The following RTN4IP1 variants were observed in gnomAD, a reference collection of about 807,000 sequenced individuals.
RTN4IP1 encodes the protein NAD(P)H oxidoreductase RTN4IP1, mitochondrial.
In RTN4IP1, 32 loss-of-function variants were observed where a neutral mutation model predicts 46.6. The ratio of observed to expected loss-of-function variants is 0.69; its 90% CI spans 0.52 to 0.92. RTN4IP1 has a LOEUF of 0.92. Ranked by LOEUF, RTN4IP1 falls within the 40% of genes least tolerant of loss-of-function variation. The pLI, the probability that RTN4IP1 is intolerant of heterozygous loss-of-function variation, is 0.00. For synonymous variants in RTN4IP1, 167 were observed against 161.8 expected, an observed-to-expected ratio of 1.03 and a Z score of -0.24; for missense variants, 424 against 485.8, an observed-to-expected ratio of 0.87 and a Z score of 1.20.
Position 106,603,247 on chromosome 6 carries a change from C to A in RTN4IP1, c.621-325G>T, listed in dbSNP as rs146089354. Among the ~76,000 whole-genome samples, 1,022 of 152,308 alleles carry A rather than the reference C, an allele frequency of 6.7e-3. 4 individuals are homozygous for A. Among genetic ancestry groups the A allele is most frequent in the Non-Finnish European group, 0.012 (792 of 68,028 alleles). ...TTTTTCTAGGCTAAAATTGTTAGAG[C>A]TTCCTCTATGAGAGGGAGATTTGGG... On this transcript the variant is annotated intron_variant, in intron 4 of 8. Transcript: ENST00000369063.
chr6:106,583,537 C>A (rs1775418315), intron 7 of RTN4IP1, 117 bp from the exon 8 acceptor site: 1 of 770,638 alleles, frequency 1.3e-6, no homozygotes, highest in Non-Finnish European at 2.2e-6. Context: ...TCATTTCATG[C>A]TGACAAAATG....
chr6:106,591,002 T>C (rs1181600007), intron 6 of RTN4IP1, among the ~76,000 whole-genome samples: 2 of 152,188 alleles, frequency 1.3e-5, no homozygotes, highest in Non-Finnish European at 2.9e-5. Flanking sequence ...AAGCACCTAC[T>C]ACATGCTACT....
intron 1 of RTN4IP1, among the ~76,000 whole-genome samples, chr6:106,624,297 G>A (rs536430923): frequency 3.3e-5 from 5 of 152,006 alleles, no homozygotes; most frequent in East Asian, 3.9e-4. Context: ...CTCGTGATCC[G>A]CCCGCCTCGG....
intron 8 of RTN4IP1, among the ~76,000 whole-genome samples, chr6:106,581,399 A>C (rs1467727564): frequency 6.6e-6 from 1 of 152,222 alleles, no homozygotes; most frequent in Non-Finnish European, 1.5e-5. Context: ...ATCTCTACCA[A>C]CCACACAACA....
chr6:106,619,864 G>T (rs1776444093), intron 3 of RTN4IP1, among the ~76,000 whole-genome samples: 1 of 151,914 alleles, frequency 6.6e-6, no homozygotes, highest in South Asian at 2.1e-4. Flanking sequence ...GCCCGCCTCG[G>T]CCTCCCAAAG....
At chr6:106,597,571 T>A (rs1775827909) in intron 5 of RTN4IP1, among the ~76,000 whole-genome samples, 1 of 151,814 alleles carries the variant, frequency 6.6e-6, no homozygotes, top group Admixed American at 6.6e-5. Context: ...CCTGAATCGC[T>A]GAGCTCAAGC....
intron 5 of RTN4IP1, among the ~76,000 whole-genome samples, chr6:106,595,464 T>C (rs1582362597): frequency 6.6e-6 from 1 of 151,934 alleles, no homozygotes; most frequent in Non-Finnish European, 1.5e-5. Flanking sequence ...CTTCTAATTC[T>C]ACTTCTTTTA....
rs368609647 is a variant in RTN4IP1 at position 106,622,756 on chromosome 6, C to T, written c.426+62G>A. 72 of 1,525,330 alleles carry T rather than the reference C, an allele frequency of 4.7e-5. 1 individual carries two copies. The highest frequency in any genetic ancestry group is 2.4e-4 in the East Asian group (10 of 41,674). 94.5% of individuals were successfully genotyped at this position (1,525,330 alleles called of 1,614,324 possible). On this transcript the variant is annotated intron_variant, in intron 2 of 8. Transcript: ENST00000369063. ...TCTGTGTCAGTGTGCGTCTCTCATC[C>T]GTCGCTGGATCAGGGTCTGTGGGTT...
chr6:106,605,816 CAA>C (rs60568175), intron 4 of RTN4IP1, among the ~76,000 whole-genome samples: 1 of 4,496 alleles, frequency 2.2e-4, no homozygotes, highest in Non-Finnish European at 8.2e-4. Context: ...GACTCTGTCC[CAA>C]AAAAAAAAAA....
chr6:106,627,003 TA>T (rs1479690772), intron 1 of RTN4IP1, among the ~76,000 whole-genome samples: 1 of 152,174 alleles, frequency 6.6e-6, no homozygotes, highest in African/African-American at 2.4e-5. Context: ...TCAAATAAAA[TA>T]GACATGTCTC....
chr6:106,584,864 AT>A (rs1260019848), intron 7 of RTN4IP1, among the ~76,000 whole-genome samples: 3 of 152,246 alleles, frequency 2.0e-5, no homozygotes, highest in Non-Finnish European at 4.4e-5. Flanking sequence ...GACCCTATAG[AT>A]TATCGTCTAA....
chr6:106,629,755 G>A (rs907169023), upstream of RTN4IP1: 4 of 1,577,774 alleles, frequency 2.5e-6, no homozygotes, highest in South Asian at 3.5e-5. Flanking sequence ...AAAGTTTAAC[G>A]GACTTCGTTG....
chr6:106,572,037 T>C lies in RTN4IP1; in HGVS notation c.1150A>G (p.Arg384Gly). Residue 384 changes from arginine (R) to glycine (G), a missense_variant, in exon 9 of 9, where the codon AGA becomes GGA. Physicochemically the swap from Arg to Gly is moderately radical, Grantham distance 125 (BLOSUM62 -2). Coordinates refer to ENST00000369063, the MANE Select transcript of RTN4IP1 (RefSeq NM_032730.5). ...KVPEAFLKVERGHARGKTVIN... is the reference protein window; with the variant it reads ...KVPEAFLKVEGGHARGKTVIN... The stretch of plus-strand genomic sequence containing the variant: ...ACAGTCTTTCCTCGTGCGTGTCCTC[T>C]TTCCACCTTCAGGAAGGCTTCTGGA... The C allele has an allele frequency of 6.2e-7, 1 of 1,614,008 alleles. No individual in the cohort carries two copies. The highest frequency in any genetic ancestry group is 8.5e-7 in the Non-Finnish European group (1 of 1,179,878).
intron 1 of RTN4IP1, among the ~76,000 whole-genome samples, chr6:106,627,386 T>G (rs966630219): frequency 3.3e-5 from 5 of 152,130 alleles, no homozygotes; most frequent in Non-Finnish European, 5.9e-5. Flanking sequence ...TAAAAATTAC[T>G]CATAGATAAA....
At chr6:106,584,116 T>C (rs567022681) in intron 7 of RTN4IP1, among the ~76,000 whole-genome samples, 1 of 152,336 alleles carries the variant, frequency 6.6e-6, no homozygotes, top group Non-Finnish European at 1.5e-5. Flanking sequence ...TCTTTGTTTA[T>C]TTAATTGAGA....
At chr6:106,604,106 C>T (rs896830927) in intron 4 of RTN4IP1, among the ~76,000 whole-genome samples, 1 of 152,164 alleles carries the variant, frequency 6.6e-6, no homozygotes, top group African/African-American at 2.4e-5. Flanking sequence ...AATTTTGCCA[C>T]CTATCTCTAG....
intron 8 of RTN4IP1, among the ~76,000 whole-genome samples, chr6:106,577,191 T>C (rs1582855560): frequency 6.6e-6 from 1 of 152,098 alleles, no homozygotes; most frequent in African/African-American, 2.4e-5. Flanking sequence ...TCTTAGCACT[T>C]TGGGAAGCCC....
intron 1 of RTN4IP1, among the ~76,000 whole-genome samples, chr6:106,626,228 T>C (rs1392360651): frequency 6.6e-6 from 1 of 151,568 alleles, no homozygotes; most frequent in African/African-American, 2.4e-5. Context: ...TAATAAAAAA[T>C]CAAGACACAT....
intron 4 of RTN4IP1, among the ~76,000 whole-genome samples, chr6:106,604,266 G>A (rs914835127): frequency 8.5e-5 from 13 of 152,078 alleles, no homozygotes; most frequent in African/African-American, 2.9e-4. Flanking sequence ...TGAGCCAGTT[G>A]TTCCCTTTGA....
Sources: gnomAD v4.1 joint callset for allele counts (sites outside exome capture counted in the v4.1 genomes callset) on GRCh38, gnomAD v4.1.1 for gene constraint, MANE v1.5 for transcripts, NCBI Gene and HGNC (gene_info 2026-07-23, HGNC 2026-07-21) for gene names.